Variants in HOMER2 observed in about 807,000 individuals in gnomAD.
The protein encoded by HOMER2 is homer protein homolog 2.
HOMER2 carries 27 observed loss-of-function variants against 47.0 expected under a neutral mutation model. The observed-to-expected ratio is 0.57, with a 90% CI of 0.42 to 0.79. The LOEUF is 0.79. Ranked by LOEUF, HOMER2 falls within the 30% of genes least tolerant of loss-of-function variation. The pLI, the probability that HOMER2 is intolerant of heterozygous loss-of-function variation, is 0.00. For missense variants in HOMER2, 443 were observed against 435.0 expected, an observed-to-expected ratio of 1.02 and a Z score of -0.16; for synonymous variants, 161 against 163.8, an observed-to-expected ratio of 0.98 and a Z score of 0.13.
intron 1 of HOMER2, among the ~76,000 whole-genome samples, chr15:82,977,335 T>C (rs911459182): frequency 1.3e-5 from 2 of 152,174 alleles, no homozygotes; most frequent in African/African-American, 4.8e-5. Context: ...ACGGGGTGCC[T>C]GGGACTACTT....
At chr15:82,909,916 C>T (rs753886421) in intron 1 of HOMER2, among the ~76,000 whole-genome samples, 6 of 151,974 alleles carry the variant, frequency 3.9e-5, no homozygotes, top group Non-Finnish European at 8.8e-5. Flanking sequence ...AGATAGATCA[C>T]CCGAGGTCAG....
At chr15:82,914,185 ACACACACACACAC>A (rs1332226373) in intron 1 of HOMER2, among the ~76,000 whole-genome samples, 2 of 59,556 alleles carry the variant, frequency 3.4e-5, no homozygotes, top group African/African-American at 1.2e-4. Context: ...AAATACACAC[ACACACACACACAC>A]ACACACACAC....
chr15:82,862,365 T>C (rs556882663), intron 4 of HOMER2, among the ~76,000 whole-genome samples: 3 of 152,160 alleles, frequency 2.0e-5, no homozygotes, highest in Non-Finnish European at 4.4e-5. Flanking sequence ...ACTTAGCTTA[T>C]GCCTGTAATC....
At chr15:82,838,503 G>GT (rs772764697) in exon 2 of HOMER2, 3 of 152,372 alleles carry the variant, frequency 2.0e-5, no homozygotes, top group Non-Finnish European at 4.4e-5. Flanking sequence ...TGAAGTCATT[G>GT]TGGCGCCAGA....
At chr15:82,871,122 C>T (rs559084080) in intron 3 of HOMER2, among the ~76,000 whole-genome samples, 1 of 152,272 alleles carries the variant, frequency 6.6e-6, no homozygotes, top group South Asian at 2.1e-4. Flanking sequence ...ACAGACGAGT[C>T]CCAGTTTACT....
intron 1 of HOMER2, among the ~76,000 whole-genome samples, chr15:82,944,381 A>G (rs986278007): frequency 1.3e-5 from 2 of 152,190 alleles, no homozygotes; most frequent in African/African-American, 4.8e-5. Context: ...TGCTTAAAAG[A>G]CCAGTGGATC....
intron 1 of HOMER2, among the ~76,000 whole-genome samples, chr15:82,923,811 A>G (rs1042084773): frequency 6.6e-6 from 1 of 152,080 alleles, no homozygotes; most frequent in Non-Finnish European, 1.5e-5. Context: ...TGATCTTACC[A>G]TCAACCTCCT....
intron 1 of HOMER2, among the ~76,000 whole-genome samples, chr15:82,962,425 G>T (rs2054639290): frequency 6.7e-6 from 1 of 149,992 alleles, no homozygotes; most frequent in African/African-American, 2.5e-5. Context: ...ACCTGTAATT[G>T]CAGCACCGTG....
In HOMER2 at chr15:82,928,940, T is replaced by TAAAAAAAAAA; in HGVS notation, c.5+23581_5+23590dup. Among the ~76,000 whole-genome samples, 23 of 39,908 alleles carry TAAAAAAAAAA rather than the reference T, an allele frequency of 5.8e-4. 5 individuals carry two copies. Among genetic ancestry groups the TAAAAAAAAAA allele is most frequent in the East Asian group, 2.7e-3 (3 of 1,126 alleles). 26.2% of individuals were successfully genotyped at this position (39,908 alleles called of 152,430 possible). On this transcript the variant is annotated intron_variant, in intron 1 of 8. Transcript: ENST00000450735. ...TAACAACTGGCAAAAAAATAAAAAC[T>TAAAAAAAAAA]AAAAAAAAAAAAAAAAAAAAGCTGT...
upstream of HOMER2, among the ~76,000 whole-genome samples, chr15:82,956,282 AT>A: frequency 6.6e-6 from 1 of 151,194 alleles, no homozygotes. Flanking sequence ...ACAAAGAAGC[AT>A]CAGTCATGGG....
intron 1 of HOMER2, among the ~76,000 whole-genome samples, chr15:82,910,537 T>G (rs1256002533): frequency 6.6e-6 from 1 of 152,198 alleles, no homozygotes; most frequent in Admixed American, 6.5e-5. Context: ...CAGCAAGGGT[T>G]GCACAGTACG....
intron 1 of HOMER2, among the ~76,000 whole-genome samples, chr15:82,897,065 CTTTTTTT>C (rs68038013): frequency 3.9e-5 from 4 of 101,850 alleles, no homozygotes; most frequent in Non-Finnish European, 5.5e-5. Flanking sequence ...GATGTCATTT[CTTTTTTT>C]TTTTTTTTTT....
At chr15:82,964,192 T>C (rs1371217516) in intron 1 of HOMER2, among the ~76,000 whole-genome samples, 1 of 152,168 alleles carries the variant, frequency 6.6e-6, no homozygotes, top group Admixed American at 6.5e-5. Flanking sequence ...GAGCTGAAAT[T>C]TAACCTTGGG....
chr15:82,966,033 C>G (rs945223688), intron 1 of HOMER2, among the ~76,000 whole-genome samples: 8 of 152,038 alleles, frequency 5.3e-5, no homozygotes, highest in African/African-American at 1.9e-4. Context: ...CCCAGCAGGT[C>G]GAGGCTGTGG....
intron 2 of HOMER2, among the ~76,000 whole-genome samples, chr15:82,880,541 T>C (rs1217516564): frequency 2.0e-5 from 3 of 152,146 alleles, no homozygotes; most frequent in Non-Finnish European, 4.4e-5. Flanking sequence ...ATGGTACCTA[T>C]TAATACAAAT....
At chr15:82,968,867 C>A (rs1416819923) in intron 1 of HOMER2, among the ~76,000 whole-genome samples, 1 of 152,196 alleles carries the variant, frequency 6.6e-6, no homozygotes, top group African/African-American at 2.4e-5. Flanking sequence ...GCTGCCTTCA[C>A]AGCCAGACTA....
upstream of HOMER2, among the ~76,000 whole-genome samples, chr15:82,953,014 C>T (rs1038421609): frequency 1.5e-4 from 23 of 152,234 alleles, no homozygotes; most frequent in Non-Finnish European, 3.1e-4. Context: ...CTTAAAGTCC[C>T]ATTCACACCT....
chr15:82,844,018 C>T (rs1406422528), downstream of HOMER2: 1 of 152,202 alleles, frequency 6.6e-6, no homozygotes, highest in African/African-American at 2.4e-5. Flanking sequence ...CACGTAGTCA[C>T]TCAGGGATCC....
chr15:82,910,609 G>T (rs986786175), intron 1 of HOMER2, among the ~76,000 whole-genome samples: 3 of 152,202 alleles, frequency 2.0e-5, no homozygotes, highest in Middle Eastern at 3.2e-3. Context: ...TTGGGGGAAA[G>T]AAATCTGGAA....
Sources: gnomAD v4.1 joint callset for allele counts (sites outside exome capture counted in the v4.1 genomes callset) on GRCh38, gnomAD v4.1.1 for gene constraint, MANE v1.5 for transcripts, NCBI Gene and HGNC (gene_info 2026-07-23, HGNC 2026-07-21) for gene names.